The following XNDC1N variants were observed in gnomAD, a reference collection of about 807,000 sequenced individuals.
The protein encoded by XNDC1N is protein XNDC1N.
the XNDC1N span, among the ~76,000 whole-genome samples, chr11:71,873,961 A>G: frequency 3.3e-4 from 50 of 152,316 alleles, no homozygotes; most frequent in Non-Finnish European, 5.9e-5. Context: ...CTCTCTCCAG[A>G]GACACTAGTG....
At chr11:71,886,988 C>G in the XNDC1N span, among the ~76,000 whole-genome samples, 1 of 152,118 alleles carries the variant, frequency 6.6e-6, no homozygotes, top group Admixed American at 6.6e-5. Flanking sequence ...AACAAATGCC[C>G]TCAGCTCAAA....
the XNDC1N span, among the ~76,000 whole-genome samples, chr11:71,898,464 G>A: frequency 6.6e-6 from 1 of 151,816 alleles, no homozygotes; most frequent in Non-Finnish European, 1.5e-5. Flanking sequence ...AAAATTAGCT[G>A]GGCGTGATAG....
chr11:71,894,259 C>G, the XNDC1N span: 1 of 401,030 alleles, frequency 2.5e-6, no homozygotes, highest in South Asian at 2.1e-5. Context: ...GACTTCAGCT[C>G]TGTCACCACC....
chr11:71,923,971 A>C, the XNDC1N span, among the ~76,000 whole-genome samples: 1 of 152,182 alleles, frequency 6.6e-6, no homozygotes, highest in African/African-American at 2.4e-5. Flanking sequence ...CACAGCAGCA[A>C]GTACAAAATA....
the XNDC1N span, among the ~76,000 whole-genome samples, chr11:71,913,035 C>G: frequency 1.3e-5 from 2 of 152,044 alleles, no homozygotes; most frequent in Non-Finnish European, 2.9e-5. Context: ...ACATTCCCTG[C>G]GATATTCAAC....
chr11:71,895,419 C>G, the XNDC1N span, among the ~76,000 whole-genome samples: 1 of 151,620 alleles, frequency 6.6e-6, no homozygotes. Flanking sequence ...AAGCAATTCT[C>G]CTGTCTCAGC....
the XNDC1N span, among the ~76,000 whole-genome samples, chr11:71,866,746 A>G: frequency 1.3e-5 from 2 of 152,014 alleles, no homozygotes; most frequent in Non-Finnish European, 2.9e-5. Context: ...CCTGGGCGAC[A>G]GAGCAAGACT....
chr11:71,873,852 T>G, the XNDC1N span, among the ~76,000 whole-genome samples: 1 of 152,186 alleles, frequency 6.6e-6, no homozygotes, highest in Non-Finnish European at 1.5e-5. Flanking sequence ...AATAAGGAAA[T>G]AATTTGATTT....
At chr11:71,924,352 C>G in the XNDC1N span, among the ~76,000 whole-genome samples, 1 of 151,942 alleles carries the variant, frequency 6.6e-6, no homozygotes, top group Non-Finnish European at 1.5e-5. Context: ...GCATTCCAGC[C>G]TGGGTGACAG....
the XNDC1N span, among the ~76,000 whole-genome samples, chr11:71,876,699 C>T: frequency 6.6e-6 from 1 of 152,204 alleles, no homozygotes; most frequent in Non-Finnish European, 1.5e-5. Flanking sequence ...CTTAGTGTTC[C>T]ATAAAGGATT....
At chr11:71,876,213 T>C in the XNDC1N span, among the ~76,000 whole-genome samples, 5 of 152,198 alleles carry the variant, frequency 3.3e-5, no homozygotes, top group African/African-American at 1.2e-4. Context: ...GCAATAAAAC[T>C]CTATAATTTC....
chr11:71,891,522 G>A, the XNDC1N span, among the ~76,000 whole-genome samples: 2 of 152,048 alleles, frequency 1.3e-5, no homozygotes, highest in South Asian at 2.1e-4. Flanking sequence ...CACACCCTGC[G>A]ACATTGGATG....
At chr11:71,928,482 T>C in the XNDC1N span, 1 of 702,538 alleles carries the variant, frequency 1.4e-6, no homozygotes, top group East Asian at 2.7e-5. Flanking sequence ...TACTCTTCCG[T>C]CTTCCGTAGC....
the XNDC1N span, among the ~76,000 whole-genome samples, chr11:71,914,183 G>A: frequency 6.6e-6 from 1 of 152,094 alleles, no homozygotes; most frequent in African/African-American, 2.4e-5. Flanking sequence ...TTGCCATATA[G>A]ATAGCGATTC....
At chr11:71,911,395 A>G in the XNDC1N span, among the ~76,000 whole-genome samples, 1 of 152,210 alleles carries the variant, frequency 6.6e-6, no homozygotes, top group African/African-American at 2.4e-5. Flanking sequence ...TCACTCTAGC[A>G]GACCTGACCT....
chr11:71,897,820 C>T, the XNDC1N span, among the ~76,000 whole-genome samples: 2 of 152,224 alleles, frequency 1.3e-5, no homozygotes, highest in Non-Finnish European at 2.9e-5. Context: ...CCCAAGGGTT[C>T]GTGGACAGAT....
chr11:71,905,420 C>A, the XNDC1N span, among the ~76,000 whole-genome samples: 1 of 151,442 alleles, frequency 6.6e-6, no homozygotes, highest in Non-Finnish European at 1.5e-5. Context: ...AAAGTAACAC[C>A]CCCCCTAGAA....
the XNDC1N span, chr11:71,917,445 C>T: frequency 1.6e-6 from 1 of 640,592 alleles, no homozygotes; most frequent in Admixed American, 2.3e-5. Flanking sequence ...CCACACAAAT[C>T]TCACACACAA....
At chr11:71,893,825 C>T in the XNDC1N span, 9 of 1,006,768 alleles carry the variant, frequency 8.9e-6, no homozygotes, top group Non-Finnish European at 1.3e-5. Context: ...ACTGTGATGA[C>T]CTATGACTGC....
Sources: allele counts gnomAD v4.1 joint callset (sites outside exome capture counted in the v4.1 genomes callset), GRCh38; gene constraint gnomAD v4.1.1; transcripts MANE v1.5; gene names NCBI Gene and HGNC (gene_info 2026-07-23, HGNC 2026-07-21).